UNC5A: variants seen among roughly 807,000 people sequenced by gnomAD.
UNC5A encodes unc-5 netrin receptor A.
Under a neutral mutation model 87.4 loss-of-function variants are expected in UNC5A, and 20 were observed. The ratio of observed to expected loss-of-function variants is 0.23; its 90% CI spans 0.16 to 0.33. The LOEUF is 0.33. UNC5A is among the 10% of genes least tolerant of loss of function. The pLI, the probability that UNC5A is intolerant of heterozygous loss-of-function variation, is 1.00. For synonymous variants in UNC5A, 438 were observed against 482.3 expected (o/e 0.91, Z 1.20); for missense variants, 844 against 1,133.4 (o/e 0.74, Z 3.67).
In UNC5A at chr5:176,869,078, C is replaced by G; in HGVS notation, c.721+114C>G. The G allele has an allele frequency of 2.5e-6, 3 of 1,219,836 alleles. No individual in the cohort carries two copies. The Admixed American group carries it at 8.0e-5, about 32-fold the overall frequency. The allele number at this position is 1,219,836 out of a possible 1,614,324, so 75.6% of individuals were successfully genotyped here. A position where few individuals can be genotyped will look rare whatever the true frequency, so the allele number is the denominator to read the frequency against. On this transcript the variant is annotated intron_variant, in intron 5 of 14. Transcript: ENST00000329542. The surrounding 1 kb of genome is among the most constrained non-coding windows in gnomAD (Gnocchi z 9.1). The stretch of plus-strand genomic sequence containing the variant: ...GAGGCCAAAGCCAGGTGGACCAGAT[C>G]GTGCCTGACTAGGCAGGATAAGCAA...
At chr5:176,850,287 A>T (rs1419969385) in intron 1 of UNC5A, among the ~76,000 whole-genome samples, 1 of 152,148 alleles carries the variant, frequency 6.6e-6, no homozygotes, top group East Asian at 1.9e-4. Flanking sequence ...GTGACCAGGG[A>T]TGGGACTGCT....
chr5:176,862,989 GAGA>G (rs1217724109), intron 2 of UNC5A, 144 bp downstream of exon 2: 1 of 908,066 alleles, frequency 1.1e-6, no homozygotes, highest in Non-Finnish European at 1.7e-6. Flanking sequence ...GCAGTTTGGG[GAGA>G]AGGAGGGGGA....
Position 176,856,674 on chromosome 5 carries a change from C to T in UNC5A, c.71-5950C>T, listed in dbSNP as rs574769820. Among the ~76,000 whole-genome samples, 35 of 152,290 alleles carry T rather than the reference C, an allele frequency of 2.3e-4. 1 individual carries two copies. The South Asian group carries it at 6.0e-3, about 26-fold the overall frequency. The stretch of plus-strand genomic sequence containing the variant: ...CAGGAGGAGGCGACAACTTTGCTGA[C>T]ATTTCCCTGGTGGACCAGGTGGAGC... On this transcript the variant is annotated intron_variant, in intron 1 of 14. Transcript: ENST00000329542.
intron 1 of UNC5A, among the ~76,000 whole-genome samples, chr5:176,833,932 C>T (rs1015199764): frequency 1.3e-5 from 2 of 152,052 alleles, no homozygotes; most frequent in Non-Finnish European, 2.9e-5. Context: ...TCTCAAACTC[C>T]TGACTTCATG....
chr5:176,838,005 G>A lies in UNC5A; in HGVS notation c.71-24619G>A, dbSNP rs560369314. Among the ~76,000 whole-genome samples, 114 of 152,288 alleles carry A rather than the reference G, an allele frequency of 7.5e-4. 1 individual carries two copies. Among genetic ancestry groups the A allele is most frequent in the African/African-American group, 2.7e-3 (112 of 41,552 alleles). ...CACATATACATCCAGTCACTGTTGT[G>A]CAAGAGTACACTACTGAACGGAATA... On this transcript the variant is annotated intron_variant, in intron 1 of 14. Coordinates refer to ENST00000329542, the MANE Select transcript of UNC5A (RefSeq NM_133369.3). The surrounding 1 kb of genome is among the most constrained non-coding windows in gnomAD (Gnocchi z 4.2).
Position 176,879,099 on chromosome 5 carries a change from T to C in UNC5A, c.2185-211T>C, listed in dbSNP as rs563701680. 9.9e-5 allele frequency among the ~76,000 whole-genome samples: 15 copies of C among 152,184 alleles called. No homozygotes were observed. In the East Asian group the frequency reaches 2.9e-3, roughly 29 times the overall value. On this transcript the variant is annotated intron_variant, in intron 13 of 14. Transcript: ENST00000329542. ...AGGGAGGGAGGCCACAGAGGGCTCC[T>C]CTGCTCTCTGGCTATGTGGCTTTGG... is the stretch of plus-strand genomic sequence containing the variant.
intron 1 of UNC5A, among the ~76,000 whole-genome samples, chr5:176,850,721 G>T (rs1175162597): frequency 1.3e-5 from 2 of 152,162 alleles, no homozygotes; most frequent in Non-Finnish European, 2.9e-5. Context: ...GTGGGAGCTG[G>T]GTTTGTCCCT....
chr5:176,814,675 G>C (rs908438672), intron 1 of UNC5A, among the ~76,000 whole-genome samples: 2 of 152,230 alleles, frequency 1.3e-5, no homozygotes, highest in African/African-American at 4.8e-5. Flanking sequence ...GGGGCTGCCA[G>C]AAGCCTCTGA....
At chr5:176,859,089 A>G (rs886877189) in intron 1 of UNC5A, among the ~76,000 whole-genome samples, 1 of 150,556 alleles carries the variant, frequency 6.6e-6, no homozygotes, top group African/African-American at 2.5e-5. Flanking sequence ...GCTAGAGGGC[A>G]TAGCTGCTAG....
intron 1 of UNC5A, among the ~76,000 whole-genome samples, chr5:176,815,696 G>A (rs1185536575): frequency 2.0e-5 from 3 of 152,206 alleles, no homozygotes; most frequent in South Asian, 2.1e-4. Context: ...GACTTAAGCC[G>A]CATCAGGGCC....
Position 176,869,727 on chromosome 5 carries a change from G to A in UNC5A, c.722-643G>A, listed in dbSNP as rs1014281968. On this transcript the variant is annotated intron_variant, in intron 5 of 14. Coordinates refer to ENST00000329542, the MANE Select transcript of UNC5A (RefSeq NM_133369.3). This position sits in a 1 kb window ranked among gnomAD's most constrained non-coding sequence, Gnocchi z 9.1. ...CAACCCGGCGCCTCTCAACGGGGGCGCTTTCTGTGAGGGGCAGAATGTCCA... is the reference window on the plus strand; with the variant it reads ...CAACCCGGCGCCTCTCAACGGGGGCACTTTCTGTGAGGGGCAGAATGTCCA... The A allele has an allele frequency of 6.3e-5, 41 of 655,076 alleles. No individual in the cohort carries two copies. The East Asian group carries it at 7.8e-4, about 12-fold the overall frequency. 40.6% of individuals were successfully genotyped at this position (655,076 alleles called of 1,614,324 possible).
Position 176,870,336 on chromosome 5 carries a change from C to T in UNC5A, c.722-34C>T, listed in dbSNP as rs370806447. 42 of 1,605,032 alleles carry T rather than the reference C, an allele frequency of 2.6e-5. No homozygotes were observed. In the African/African-American group the frequency reaches 3.9e-4, roughly 15 times the overall value. On this transcript the variant is annotated intron_variant, in intron 5 of 14. Coordinates refer to ENST00000329542, the MANE Select transcript of UNC5A (RefSeq NM_133369.3). ...TGCCGGGGTGGGCTCCCAGGCTGAC[C>T]GCACCGTCTCCTCTCTGCTTGTCTC...
At chr5:176,864,036 G>A (rs1408360969) in intron 2 of UNC5A, among the ~76,000 whole-genome samples, 1 of 151,620 alleles carries the variant, frequency 6.6e-6, no homozygotes, top group African/African-American at 2.4e-5. Flanking sequence ...CAGCCCGTGC[G>A]GGACACACAG....
At chr5:176,867,754 C>A (rs1247509112) in intron 2 of UNC5A, among the ~76,000 whole-genome samples, 6 of 152,194 alleles carry the variant, frequency 3.9e-5, no homozygotes, top group African/African-American at 1.4e-4. Flanking sequence ...CTGTCTGCCC[C>A]ACCCCTTCTG....
At chr5:176,863,289 G>A (rs60851282) in intron 2 of UNC5A, among the ~76,000 whole-genome samples, 1 of 152,240 alleles carries the variant, frequency 6.6e-6, no homozygotes, top group Non-Finnish European at 1.5e-5. Flanking sequence ...ATCCCAGGCA[G>A]GGGACACAGC....
At chr5:176,863,010 G>T (rs577382137) in intron 2 of UNC5A, among the ~76,000 whole-genome samples, 165 bp downstream of exon 2, 1 of 152,346 alleles carries the variant, frequency 6.6e-6, no homozygotes, top group African/African-American at 2.4e-5. Context: ...GGAGAGAGGG[G>T]GTCCCTGATG....
rs772460110 is a variant in UNC5A, at chr5:176,878,264, G to A, written c.1890G>A (p.Lys630=). ...TGCAGGAGGTGGTGCAGCTGGAGAA[G>A]CAGCTGGGGGGACAGCTGATCCAGG... The part of the protein sequence containing the change: ...DALKEVVQLE[K]QLGGQLIQEP... The change falls in exon 12 of 15, where the codon AAG becomes AAA. Residue 630 remains lysine, a synonymous_variant. Transcript: ENST00000329542. 22 of 1,612,236 alleles carry A rather than the reference G, an allele frequency of 1.4e-5. No individual in the cohort carries two copies. The highest frequency in any genetic ancestry group is 1.9e-5 in the Non-Finnish European group (22 of 1,179,770).
intron 1 of UNC5A, among the ~76,000 whole-genome samples, chr5:176,855,611 C>T (rs766870403): frequency 3.9e-5 from 6 of 152,208 alleles, no homozygotes; most frequent in Non-Finnish European, 8.8e-5. Flanking sequence ...GCGAAGACGC[C>T]GCCGGTGTGG....
At chr5:176,861,606 G>A (rs1757842914) in intron 1 of UNC5A, among the ~76,000 whole-genome samples, 1 of 152,204 alleles carries the variant, frequency 6.6e-6, no homozygotes, top group South Asian at 2.1e-4. Flanking sequence ...GATCACCCGT[G>A]GGGAGGGTGG....
Sources: allele counts gnomAD v4.1 joint callset (sites outside exome capture counted in the v4.1 genomes callset), GRCh38; gene constraint gnomAD v4.1.1; non-coding constraint Gnocchi (gnomAD v3.1); transcripts MANE v1.5; gene names NCBI Gene and HGNC (gene_info 2026-07-23, HGNC 2026-07-21).